The following LRP11 variants were observed in gnomAD, a reference collection of about 807,000 sequenced individuals.
LRP11 encodes LDL receptor related protein 11.
In LRP11, 25 loss-of-function variants were observed where a neutral mutation model predicts 43.1. The ratio of observed to expected loss-of-function variants is 0.58; its 90% CI spans 0.42 to 0.81. The LOEUF (loss-of-function observed/expected upper bound fraction) is 0.81. LRP11 is among the 30% of genes least tolerant of loss of function. The pLI, the probability that LRP11 is intolerant of heterozygous loss-of-function variation, is 0.00. For missense variants in LRP11, 623 were observed against 665.1 expected, an observed-to-expected ratio of 0.94 and a Z score of 0.70; for synonymous variants, 316 against 299.4, an observed-to-expected ratio of 1.06 and a Z score of -0.57.
At chr6:149,826,069 G>T in intron 6 of LRP11, 195 bp downstream of exon 6, 1 of 576,038 alleles carries the variant, frequency 1.7e-6, no homozygotes, top group South Asian at 2.2e-5. Context: ...GGCAGCTGAG[G>T]TCCAAAGATG....
chr6:149,856,776 T>C (rs1776805056), intron 1 of LRP11, among the ~76,000 whole-genome samples: 1 of 152,150 alleles, frequency 6.6e-6, no homozygotes, highest in African/African-American at 2.4e-5. Flanking sequence ...CACAACACGC[T>C]ACTGTGCACA....
chr6:149,842,619 G>T (rs749678826), intron 3 of LRP11: 5 of 1,550,144 alleles, frequency 3.2e-6, no homozygotes, highest in Middle Eastern at 1.7e-4. Flanking sequence ...AGTTCAACTG[G>T]TTTCACTAAA....
rs1776561419 is a variant in LRP11, at chr6:149,842,384, C to T, written c.913+599G>A. Among the ~76,000 whole-genome samples the T allele has an allele frequency of 2.0e-5, 3 of 152,312 alleles. No homozygotes were observed. The South Asian group carries it at 6.2e-4, about 32-fold the overall frequency. On this transcript the variant is annotated intron_variant, in intron 3 of 6. Coordinates refer to ENST00000239367, the MANE Select transcript of LRP11 (RefSeq NM_032832.6). Reference sequence around the variant, plus strand: ...ACTGACATATCTATCATCTCCCCTACTTGTAATCTTTTTGTGATGACAACA... The same window carrying T: ...ACTGACATATCTATCATCTCCCCTATTTGTAATCTTTTTGTGATGACAACA...
chr6:149,839,233 G>A (rs2115387272), intron 3 of LRP11, among the ~76,000 whole-genome samples: 1 of 152,104 alleles, frequency 6.6e-6, no homozygotes, highest in Admixed American at 6.6e-5. Context: ...TAAATCAAGA[G>A]GTTGGAAAAG....
chr6:149,828,048 A>G lies in LRP11; in HGVS notation c.1253-1689T>C, dbSNP rs1191311451. Among the ~76,000 whole-genome samples the G allele has an allele frequency of 8.7e-5, 13 of 149,374 alleles. No homozygotes were observed. The South Asian group carries it at 2.8e-3, about 32-fold the overall frequency. ...AAAAAAAAAAAAAAAAAAATTAGCC[A>G]GGCATGGTGGTGGGCGCCTGTAATC... On this transcript the variant is annotated intron_variant, in intron 5 of 6. Coordinates refer to ENST00000239367, the MANE Select transcript of LRP11 (RefSeq NM_032832.6).
intron 1 of LRP11, among the ~76,000 whole-genome samples, chr6:149,860,328 T>C (rs555737831): frequency 6.6e-6 from 1 of 152,176 alleles, no homozygotes; most frequent in South Asian, 2.1e-4. Context: ...ACATAAAGGT[T>C]ATCGTCCTTG....
chr6:149,825,894 CT>C (rs1367317425), intron 6 of LRP11, among the ~76,000 whole-genome samples: 2 of 152,218 alleles, frequency 1.3e-5, no homozygotes, highest in Non-Finnish European at 2.9e-5. Context: ...AGCGATCCTC[CT>C]GCCTTGGCCT....
intron 5 of LRP11, 53 bp from the exon 6 acceptor site, chr6:149,826,412 G>A: frequency 7.9e-7 from 1 of 1,265,114 alleles, no homozygotes; most frequent in Non-Finnish European, 1.1e-6. Context: ...AGAAACTTCA[G>A]GAAACAAATG....
In LRP11 at chr6:149,827,886, A is replaced by ATGG. The variant is rs1339850910; in HGVS notation, c.1253-1530_1253-1528dup. On this transcript the variant is annotated intron_variant, in intron 5 of 6. Coordinates refer to ENST00000239367, the MANE Select transcript of LRP11 (RefSeq NM_032832.6). This position sits in a 1 kb window ranked among gnomAD's most constrained non-coding sequence, Gnocchi z 4.2. ...AAAATACAAAAAAAATTAGCCAGGC[A>ATGG]TGGTGGGCGCCTGTAGTCCCAGCTG... Among the ~76,000 whole-genome samples the ATGG allele has an allele frequency of 6.6e-6, 1 of 151,986 alleles. No homozygotes were observed. Among genetic ancestry groups the ATGG allele is most frequent in the African/African-American group, 2.4e-5 (1 of 41,456 alleles).
In LRP11 at chr6:149,864,251, C is replaced by T. The variant is rs937348032; in HGVS notation, c.-231G>A. On this transcript the variant is annotated 5_prime_UTR_variant, in exon 1 of 7. Coordinates refer to ENST00000239367, the MANE Select transcript of LRP11 (RefSeq NM_032832.6). ...GCCCAGCCGGGCACCGCTCCTTGCCCTCGCCGGAGACTGCCCAGCGCCCTG... is the reference window on the plus strand; with the variant it reads ...GCCCAGCCGGGCACCGCTCCTTGCCTTCGCCGGAGACTGCCCAGCGCCCTG... 8 of 1,082,878 alleles carry T rather than the reference C, an allele frequency of 7.4e-6. No individual in the cohort carries two copies. The African/African-American group carries it at 1.0e-4, about 14-fold the overall frequency. 67.1% of individuals were successfully genotyped at this position (1,082,878 alleles called of 1,614,324 possible).
chr6:149,828,242 T>C (rs1203286298), intron 5 of LRP11, among the ~76,000 whole-genome samples: 2 of 152,042 alleles, frequency 1.3e-5, no homozygotes, highest in East Asian at 1.9e-4. Flanking sequence ...GAAGCTATAC[T>C]AGAAGTACTG....
chr6:149,839,838 A>G (rs1363154067), intron 3 of LRP11, among the ~76,000 whole-genome samples: 2 of 152,200 alleles, frequency 1.3e-5, no homozygotes, highest in Non-Finnish European at 2.9e-5. Context: ...TTATTTATAA[A>G]TAATACGTGC....
chr6:149,821,978 C>T (rs6420132), intron 6 of LRP11, among the ~76,000 whole-genome samples: 81,484 of 152,076 alleles, frequency 0.54, 25,074 homozygotes, highest in East Asian at 0.83. Flanking sequence ...GCTTAAATCA[C>T]TGAATTCTCA....
At chr6:149,848,650 G>A (rs1178883669) in intron 2 of LRP11, among the ~76,000 whole-genome samples, 3 of 152,000 alleles carry the variant, frequency 2.0e-5, no homozygotes, top group Admixed American at 2.0e-4. Context: ...AATACCACAT[G>A]TTCTCACTTA....
intron 6 of LRP11, among the ~76,000 whole-genome samples, chr6:149,823,618 A>G (rs1214871047): frequency 6.6e-6 from 1 of 152,148 alleles, no homozygotes; most frequent in African/African-American, 2.4e-5. Context: ...TGAAGACAAG[A>G]GGACCTGGAG....
intron 6 of LRP11, 34 bp downstream of exon 6, chr6:149,826,230 C>T: frequency 6.7e-7 from 1 of 1,481,794 alleles, no homozygotes. Flanking sequence ...GAGAAGACTA[C>T]AGTCTGCAAA....
chr6:149,825,802 C>T (rs958570284), intron 6 of LRP11, among the ~76,000 whole-genome samples: 2 of 152,086 alleles, frequency 1.3e-5, no homozygotes, highest in African/African-American at 2.4e-5. Flanking sequence ...GCGAATGTCA[C>T]CACACTTGGC....
At chr6:149,851,162 G>A (rs1045816346) in intron 2 of LRP11, among the ~76,000 whole-genome samples, 5 of 152,186 alleles carry the variant, frequency 3.3e-5, no homozygotes, top group Admixed American at 2.6e-4. Flanking sequence ...TGTTATACAC[G>A]ATTGGGAACT....
chr6:149,827,434 T>C lies in LRP11; in HGVS notation c.1253-1075A>G, dbSNP rs562294122. Among the ~76,000 whole-genome samples the C allele has an allele frequency of 2.6e-4, 40 of 152,364 alleles. No individual in the cohort carries two copies. Among genetic ancestry groups the C allele is most frequent in the Admixed American group, 2.2e-3 (33 of 15,308 alleles). ...TAGTATATAAAATTCTTTGGTAACT[T>C]GCATTTTGCAAATTTACTAAGTCAC... is the stretch of plus-strand genomic sequence containing the variant. On this transcript the variant is annotated intron_variant, in intron 5 of 6. Transcript: ENST00000239367. This position sits in a 1 kb window ranked among gnomAD's most constrained non-coding sequence, Gnocchi z 4.2.
Sources: allele counts gnomAD v4.1 joint callset (sites outside exome capture counted in the v4.1 genomes callset), GRCh38; gene constraint gnomAD v4.1.1; non-coding constraint Gnocchi (gnomAD v3.1); transcripts MANE v1.5; gene names NCBI Gene and HGNC (gene_info 2026-07-23, HGNC 2026-07-21).